Variants in RABL3 observed in about 807,000 individuals in gnomAD.
RABL3 encodes rab-like protein 3.
Under a neutral mutation model 31.8 loss-of-function variants are expected in RABL3, and 31 were observed. The observed-to-expected ratio is 0.97, with a 90% CI of 0.73 to 1.31. The LOEUF is 1.31. Among genes scored for constraint, RABL3 ranks in the 40% most tolerant of loss-of-function variants. RABL3 has a pLI of 0.00. For synonymous variants in RABL3, 97 were observed against 99.9 expected, an observed-to-expected ratio of 0.97 and a Z score of 0.18; for missense variants, 263 against 279.6, an observed-to-expected ratio of 0.94 and a Z score of 0.42.
chr3:120,737,330 TG>T (rs1488685877), intron 1 of RABL3, among the ~76,000 whole-genome samples: 1 of 152,270 alleles, frequency 6.6e-6, no homozygotes, highest in Non-Finnish European at 1.5e-5. Flanking sequence ...TACTGAAGCT[TG>T]TGCATCATCA....
chr3:120,708,311 A>G (rs1365252627), intron 3 of RABL3, among the ~76,000 whole-genome samples: 1 of 152,040 alleles, frequency 6.6e-6, no homozygotes, highest in Non-Finnish European at 1.5e-5. Flanking sequence ...ATTAAAGGAG[A>G]CAAATCACTA....
At chr3:120,738,170 G>A (rs1275601415) in intron 1 of RABL3, among the ~76,000 whole-genome samples, 1 of 152,214 alleles carries the variant, frequency 6.6e-6, no homozygotes, top group Non-Finnish European at 1.5e-5. Context: ...CGAGCTTCCT[G>A]GCCTCTTTGT....
Position 120,694,158 on chromosome 3 carries a change from C to G in RABL3, c.601G>C (p.Asp201His). ...AACTTAATTGAAACCATTACCTTAT[C>G]AAAAAACCTACTGAGCTTGACAGCA... ...SNAVKLSRFF[D>H]KVIEKRYFLR... The change falls in exon 6 of 8, where the codon GAT becomes CAT. Residue 201 changes from aspartate (D) to histidine (H), a missense_variant. Coordinates refer to ENST00000273375, the MANE Select transcript of RABL3 (RefSeq NM_173825.5). 1 of 1,601,788 alleles carries G rather than the reference C, an allele frequency of 6.2e-7. No homozygotes were observed. The highest frequency in any genetic ancestry group is 8.5e-7 in the Non-Finnish European group (1 of 1,170,248).
intron 7 of RABL3, 118 bp from the exon 8 acceptor site, chr3:120,690,006 A>G (rs1392474762): frequency 7.9e-6 from 6 of 756,148 alleles, no homozygotes; most frequent in Non-Finnish European, 1.3e-5. Context: ...TAAAAAAACA[A>G]CTTTCTGAGG....
chr3:120,735,348 T>C (rs1708944614), intron 1 of RABL3, among the ~76,000 whole-genome samples: 2 of 152,240 alleles, frequency 1.3e-5, no homozygotes, highest in African/African-American at 4.8e-5. Context: ...GTTTTTAGTA[T>C]TCTCTGATGG....
intron 4 of RABL3, among the ~76,000 whole-genome samples, chr3:120,705,672 AAAATGTTTTATAT>A (rs1333667947): frequency 6.6e-6 from 1 of 152,228 alleles, no homozygotes. Flanking sequence ...TATAAAACTT[AAAATGTTTTATAT>A]AAATGTTTTA....
rs1708346160 is a variant in RABL3 at position 120,688,871 on chromosome 3, C to T, written c.*952G>A. On this transcript the variant is annotated 3_prime_UTR_variant, in exon 8 of 8. Transcript: ENST00000273375. Reference sequence around the variant, plus strand: ...AATCCAAGAATCCTAGTTCATAATTCATGTAAATGTGTTGCTGTGGAACTT... The same window carrying T: ...AATCCAAGAATCCTAGTTCATAATTTATGTAAATGTGTTGCTGTGGAACTT... 1 of 152,090 alleles carries T rather than the reference C, an allele frequency of 6.6e-6. No homozygotes were observed. The allele number at this position is 152,090 out of a possible 1,614,324, so 9.4% of individuals were successfully genotyped here. A position where few individuals can be genotyped will look rare whatever the true frequency, so the allele number is the denominator to read the frequency against.
chr3:120,721,791 T>C (rs1013391109), intron 2 of RABL3, among the ~76,000 whole-genome samples: 3 of 152,106 alleles, frequency 2.0e-5, no homozygotes, highest in African/African-American at 7.2e-5. Context: ...TTAACAAGGA[T>C]ATCCAGGAAT....
intron 2 of RABL3, among the ~76,000 whole-genome samples, chr3:120,716,990 C>T (rs187265395): frequency 4.1e-4 from 63 of 152,276 alleles, no homozygotes; most frequent in African/African-American, 1.5e-3. Context: ...TGGTGGCTCA[C>T]TCCTGTAATC....
At chr3:120,741,330 T>C (rs1709040166) in intron 1 of RABL3, among the ~76,000 whole-genome samples, 1 of 152,262 alleles carries the variant, frequency 6.6e-6, no homozygotes, top group African/African-American at 2.4e-5. Context: ...TAATGCTCTC[T>C]GTAAAATATT....
At chr3:120,700,570 T>G (rs1559813085) in intron 4 of RABL3, among the ~76,000 whole-genome samples, 1 of 152,010 alleles carries the variant, frequency 6.6e-6, no homozygotes, top group Non-Finnish European at 1.5e-5. Flanking sequence ...AATTATAACA[T>G]TTATGAGACA....
At chr3:120,697,139 A>G (rs1183107908) in intron 5 of RABL3, among the ~76,000 whole-genome samples, 2 of 152,322 alleles carry the variant, frequency 1.3e-5, no homozygotes, top group South Asian at 2.1e-4. Flanking sequence ...TAAATACACA[A>G]TCAGATTTGG....
Position 120,730,790 on chromosome 3 carries a change from G to C in RABL3, c.47-3C>G. On this transcript the variant is annotated splice_region_variant and splice_polypyrimidine_tract_variant and intron_variant, in intron 1 of 7. Transcript: ENST00000273375. Reference sequence around the variant, plus strand: ...GACTAACGAAGATTTCCCAACACCTGTAAGAGATACAAGAACTCTAGTCAC... The same window carrying C: ...GACTAACGAAGATTTCCCAACACCTCTAAGAGATACAAGAACTCTAGTCAC... The C allele has an allele frequency of 6.2e-7, 1 of 1,601,388 alleles. No individual in the cohort carries two copies. Among genetic ancestry groups the C allele is most frequent in the Non-Finnish European group, 8.6e-7 (1 of 1,168,646 alleles).
chr3:120,709,613 A>C (rs1006378477), intron 3 of RABL3, among the ~76,000 whole-genome samples, 167 bp downstream of exon 3: 1 of 152,096 alleles, frequency 6.6e-6, no homozygotes, highest in African/African-American at 2.4e-5. Context: ...AGATGGTTAC[A>C]ATGTAGAAAC....
At chr3:120,736,192 G>C (rs1234376692) in intron 1 of RABL3, among the ~76,000 whole-genome samples, 1 of 152,150 alleles carries the variant, frequency 6.6e-6, no homozygotes, top group East Asian at 1.9e-4. Flanking sequence ...TGTCTTTGTA[G>C]GTCTCCAAGG....
rs1407294444 is a variant in RABL3, at chr3:120,706,090, G to A, written c.293C>T (p.Thr98Ile). ...VNGIIFVHDL[T>I]NKKSSQNLRR... ...CAAGTTTTGGGAGGACTTCTTATTTGTTAAGTCGTGTACGAAAATAATACC... is the reference window on the plus strand; with the variant it reads ...CAAGTTTTGGGAGGACTTCTTATTTATTAAGTCGTGTACGAAAATAATACC... Residue 98 changes from threonine to isoleucine, a missense_variant, in exon 4 of 8, where the codon ACA (threonine) becomes ATA (isoleucine). Physicochemically the swap from Thr to Ile is moderately conservative, Grantham distance 89 (BLOSUM62 -1). Transcript: ENST00000273375. 1 of 1,611,282 alleles carries A rather than the reference G, an allele frequency of 6.2e-7. No individual in the cohort carries two copies. Among genetic ancestry groups the A allele is most frequent in the African/African-American group, 1.3e-5 (1 of 74,978 alleles).
At position 120,694,154 on chromosome 3, in the gene RABL3, T is replaced by A; in HGVS notation, c.605A>T (p.Lys202Met). ...NAVKLSRFFDKVIEKRYFLRE... is the reference protein window; with the variant it reads ...NAVKLSRFFDMVIEKRYFLRE... ...AAATAACTTAATTGAAACCATTACC[T>A]TATCAAAAAACCTACTGAGCTTGAC... The change falls in exon 6 of 8, where the codon AAG becomes ATG. Residue 202 changes from lysine (K) to methionine (M), a missense_variant and splice_region_variant. By Grantham distance (95) the Lys-to-Met change is moderately conservative. Transcript: ENST00000273375. The A allele has an allele frequency of 6.3e-7, 1 of 1,596,606 alleles. No individual in the cohort carries two copies. The highest frequency in any genetic ancestry group is 8.6e-7 in the Non-Finnish European group (1 of 1,165,938).
chr3:120,737,326 A>G (rs889028316), intron 1 of RABL3, among the ~76,000 whole-genome samples: 10 of 152,200 alleles, frequency 6.6e-5, no homozygotes, highest in African/African-American at 2.4e-4. Flanking sequence ...CGGCTACTGA[A>G]GCTTGTGCAT....
At chr3:120,693,812 A>C (rs1559810665) in intron 6 of RABL3, among the ~76,000 whole-genome samples, 1 of 152,202 alleles carries the variant, frequency 6.6e-6, no homozygotes, top group Admixed American at 6.5e-5. Context: ...GAATCTCCTC[A>C]GTTCAGTGCC....
Sources: gnomAD v4.1 joint callset for allele counts (sites outside exome capture counted in the v4.1 genomes callset) on GRCh38, gnomAD v4.1.1 for gene constraint, MANE v1.5 for transcripts, NCBI Gene and HGNC (gene_info 2026-07-23, HGNC 2026-07-21) for gene names.